Variants in CTNNA2 observed in about 807,000 individuals in gnomAD.
CTNNA2 encodes the protein catenin alpha 2.
CTNNA2 carries 42 observed loss-of-function variants against 101.0 expected under a neutral mutation model. The observed-to-expected ratio is 0.42, with a 90% CI of 0.32 to 0.54. The LOEUF (loss-of-function observed/expected upper bound fraction) is 0.54. CTNNA2 is among the 20% of genes least tolerant of loss of function. The pLI is 0.14. For synonymous variants in CTNNA2, 450 were observed against 456.4 expected, an observed-to-expected ratio of 0.99 and a Z score of 0.18; for missense variants, 871 against 1,223.1, an observed-to-expected ratio of 0.71 and a Z score of 4.29.
chr2:79,435,279 T>C (rs1468193938), intron 4 of CTNNA2, among the ~76,000 whole-genome samples: 1 of 152,146 alleles, frequency 6.6e-6, no homozygotes, highest in Non-Finnish European at 1.5e-5. Flanking sequence ...ATAGTAGTGG[T>C]GTTAAGGAAG....
intron 7 of CTNNA2, among the ~76,000 whole-genome samples, chr2:80,248,799 T>C (rs1432795258): frequency 6.6e-6 from 1 of 152,226 alleles, no homozygotes; most frequent in Non-Finnish European, 1.5e-5. Flanking sequence ...GAGAAATGGC[T>C]AAAGGCCCAG....
intron 17 of CTNNA2, among the ~76,000 whole-genome samples, chr2:80,617,214 CTG>C (rs1219280456): frequency 2.0e-5 from 3 of 151,526 alleles, no homozygotes; most frequent in African/African-American, 7.3e-5. Flanking sequence ...ATTTTTAAAA[CTG>C]AGAAATTGTG....
rs1437812072 is a variant in CTNNA2 at position 79,261,788 on chromosome 2, A to C, written c.-405-50921A>C. 2.6e-5 allele frequency among the ~76,000 whole-genome samples: 4 copies of C among 152,238 alleles called. 1 individual carries two copies. Among genetic ancestry groups the C allele is most frequent in the Non-Finnish European group, 5.9e-5 (4 of 68,048 alleles). On this transcript the variant is annotated intron_variant, in intron 2 of 21. Transcript: ENST00000466387. Reference sequence around the variant, plus strand: ...TCAGGGATTCAGGCTTCAACCCATAAATTTACAAGTAACACAATTCAGTCT... The same window carrying C: ...TCAGGGATTCAGGCTTCAACCCATACATTTACAAGTAACACAATTCAGTCT...
intron 7 of CTNNA2, among the ~76,000 whole-genome samples, chr2:80,315,833 T>C (rs1015746540): frequency 6.6e-6 from 1 of 152,160 alleles, no homozygotes; most frequent in African/African-American, 2.4e-5. Context: ...TTAAAGTGAT[T>C]TTTATTTCTC....
intron 7 of CTNNA2, among the ~76,000 whole-genome samples, chr2:80,343,755 G>A (rs1054222747): frequency 1.3e-5 from 2 of 151,986 alleles, no homozygotes; most frequent in Admixed American, 6.6e-5. Flanking sequence ...TTTTTCTCTC[G>A]CAATTGGTAC....
chr2:79,668,152 A>G (rs941188713), intron 2 of CTNNA2, among the ~76,000 whole-genome samples: 5 of 146,196 alleles, frequency 3.4e-5, no homozygotes, highest in African/African-American at 1.2e-4. Context: ...AGGCAGGAGA[A>G]TGGCGTGAAC....
intron 7 of CTNNA2, among the ~76,000 whole-genome samples, chr2:79,918,211 G>A (rs1003988206): frequency 6.6e-6 from 1 of 152,060 alleles, no homozygotes; most frequent in Non-Finnish European, 1.5e-5. Flanking sequence ...CTGTATGCCT[G>A]GTGAAATCCT....
At chr2:79,446,019 T>C (rs112209194) in intron 4 of CTNNA2, among the ~76,000 whole-genome samples, 6 of 152,100 alleles carry the variant, frequency 3.9e-5, no homozygotes, top group African/African-American at 1.4e-4. Flanking sequence ...GATGGCATAG[T>C]AGTTAAGCAT....
intron 2 of CTNNA2, among the ~76,000 whole-genome samples, chr2:79,274,888 A>C (rs1042266280): frequency 2.0e-5 from 3 of 152,096 alleles, no homozygotes; most frequent in Non-Finnish European, 2.9e-5. Context: ...AAGAATTGCA[A>C]GCAGAGTCAA....
intron 3 of CTNNA2, among the ~76,000 whole-genome samples, chr2:79,784,981 ATATT>A (rs1291159914): frequency 1.3e-5 from 2 of 152,158 alleles, no homozygotes; most frequent in African/African-American, 4.8e-5. Flanking sequence ...ATTAAGCTAT[ATATT>A]GATGATATGT....
intron 2 of CTNNA2, among the ~76,000 whole-genome samples, chr2:79,288,458 A>C (rs1573036417): frequency 6.6e-6 from 1 of 152,220 alleles, no homozygotes; most frequent in Non-Finnish European, 1.5e-5. Context: ...GATGGAATTC[A>C]GGTAACTGCT....
At chr2:79,339,624 CTG>C (rs1677084430) in intron 3 of CTNNA2, 1 of 152,222 alleles carries the variant, frequency 6.6e-6, no homozygotes, top group African/African-American at 2.4e-5. Flanking sequence ...GATGATGAAA[CTG>C]TGGCCCAGAA....
At chr2:80,097,275 T>TG (rs1553448448) in intron 7 of CTNNA2, among the ~76,000 whole-genome samples, 9 of 152,132 alleles carry the variant, frequency 5.9e-5, no homozygotes, top group African/African-American at 1.4e-4. Context: ...AAGCTTAGTT[T>TG]GCTGGATGTG....
At position 79,677,515 on chromosome 2, in the gene CTNNA2, G is replaced by A. The variant is rs1442523205; in HGVS notation, c.102+25857G>A. 3.9e-5 allele frequency among the ~76,000 whole-genome samples: 6 copies of A among 152,120 alleles called. No homozygotes were observed. In the South Asian group the frequency reaches 6.2e-4, roughly 16 times the overall value. ...GTCGTAATAGGAAACACACACACAC[G>A]TTAATATTTTAAACATGGTTACATG... On this transcript the variant is annotated intron_variant, in intron 2 of 18. Coordinates refer to ENST00000402739, the MANE Select transcript of CTNNA2 (RefSeq NM_001282597.3).
chr2:79,412,309 C>T (rs1191665496), intron 4 of CTNNA2, among the ~76,000 whole-genome samples: 1 of 152,016 alleles, frequency 6.6e-6, no homozygotes, highest in Non-Finnish European at 1.5e-5. Context: ...GACTTTAACA[C>T]CCCACTGTCA....
intron 6 of CTNNA2, among the ~76,000 whole-genome samples, chr2:79,899,175 GTT>G (rs529522389): frequency 2.6e-5 from 4 of 151,748 alleles, no homozygotes; most frequent in Non-Finnish European, 5.9e-5. Context: ...TAACATGACT[GTT>G]TTTTTTCAGG....
intron 4 of CTNNA2, among the ~76,000 whole-genome samples, chr2:79,382,625 C>CT (rs1250658522): frequency 6.6e-6 from 1 of 151,644 alleles, no homozygotes; most frequent in African/African-American, 2.4e-5. Context: ...AATTTTTTTT[C>CT]TTTTTTTGAG....
At chr2:79,865,961 C>T (rs544342346) in intron 4 of CTNNA2, among the ~76,000 whole-genome samples, 4 of 152,308 alleles carry the variant, frequency 2.6e-5, no homozygotes, top group Admixed American at 6.5e-5. Flanking sequence ...CCTCGTGATC[C>T]GCCCGCCTCG....
chr2:79,599,454 A>G (rs1000289759), intron 1 of CTNNA2, among the ~76,000 whole-genome samples: 2 of 152,212 alleles, frequency 1.3e-5, no homozygotes, highest in Non-Finnish European at 2.9e-5. Context: ...CATAATGCAC[A>G]GAACTAAATT....
Sources: allele counts gnomAD v4.1 joint callset (sites outside exome capture counted in the v4.1 genomes callset), GRCh38; gene constraint gnomAD v4.1.1; transcripts MANE v1.5; gene names NCBI Gene and HGNC (gene_info 2026-07-23, HGNC 2026-07-21).